Variants in STXBP4 observed in about 807,000 individuals in gnomAD.
The protein encoded by STXBP4 is syntaxin binding protein 4, also known as syntaxin-binding protein 4.
Under a neutral mutation model 76.1 loss-of-function variants are expected in STXBP4, and 55 were observed. The observed-to-expected ratio is 0.72, with a 90% CI of 0.58 to 0.91. The LOEUF is 0.91. Ranked by LOEUF, STXBP4 falls within the 40% of genes least tolerant of loss-of-function variation. The pLI, the probability that STXBP4 is intolerant of heterozygous loss-of-function variation, is 0.00. For synonymous variants in STXBP4, 201 were observed against 220.2 expected (o/e 0.91, Z 0.77); for missense variants, 618 against 636.9 (o/e 0.97, Z 0.32).
intron 7 of STXBP4, among the ~76,000 whole-genome samples, chr17:55,001,793 C>T (rs181030873): frequency 5.9e-5 from 9 of 152,118 alleles, no homozygotes; most frequent in Admixed American, 1.3e-4. Flanking sequence ...CCACCATGCC[C>T]GGCTAATTTT....
intron 12 of STXBP4, among the ~76,000 whole-genome samples, chr17:55,065,045 TATC>T (rs1303461629): frequency 6.6e-6 from 1 of 152,208 alleles, no homozygotes; most frequent in African/African-American, 2.4e-5. Context: ...TTATCATCAT[TATC>T]ATAGATTAAA....
intron 4 of STXBP4, among the ~76,000 whole-genome samples, chr17:54,993,486 A>C (rs1257805188): frequency 1.7e-5 from 1 of 58,222 alleles, no homozygotes; most frequent in Non-Finnish European, 2.9e-5. Flanking sequence ...AAAATAAAAA[A>C]ATTTATAGAA....
chr17:55,147,845 A>G (rs927516387), intron 17 of STXBP4, among the ~76,000 whole-genome samples: 2 of 152,192 alleles, frequency 1.3e-5, no homozygotes, highest in Admixed American at 6.5e-5. Flanking sequence ...GACATATTCA[A>G]CTTCACTGAT....
intron 16 of STXBP4, among the ~76,000 whole-genome samples, chr17:55,110,508 A>G (rs567646454): frequency 1.3e-5 from 2 of 152,334 alleles, no homozygotes; most frequent in South Asian, 4.1e-4. Context: ...TGGAAGGGAT[A>G]ATGTAAATGA....
intron 12 of STXBP4, among the ~76,000 whole-genome samples, chr17:55,068,961 T>C (rs1461883978): frequency 1.3e-5 from 2 of 152,080 alleles, no homozygotes; most frequent in Non-Finnish European, 2.9e-5. Context: ...GTCCTGTGTG[T>C]GAGCTGTTAC....
At chr17:55,001,004 C>A in intron 7 of STXBP4, 121 bp downstream of exon 7, 1 of 627,606 alleles carries the variant, frequency 1.6e-6, no homozygotes, top group Non-Finnish European at 2.7e-6. Context: ...CTTCAGTGAA[C>A]GAAAAAGTAA....
chr17:55,186,562 T>C, the STXBP4 span, among the ~76,000 whole-genome samples: 1 of 152,212 alleles, frequency 6.6e-6, no homozygotes, highest in South Asian at 2.1e-4. Context: ...GGATGTATGA[T>C]GGTTCAATCA....
intron 8 of STXBP4, among the ~76,000 whole-genome samples, chr17:55,020,301 T>G (rs1567722312): frequency 1.3e-5 from 2 of 152,224 alleles, no homozygotes; most frequent in South Asian, 2.1e-4. Context: ...CACATATTCA[T>G]TGAGTTTCTA....
intron 3 of STXBP4, among the ~76,000 whole-genome samples, chr17:54,990,003 A>G (rs1353071752): frequency 6.6e-6 from 1 of 152,240 alleles, no homozygotes; most frequent in Admixed American, 6.5e-5. Flanking sequence ...GAATTCTTCA[A>G]GTAGTCTAAT....
At chr17:55,066,975 A>G (rs2079059582) in intron 12 of STXBP4, among the ~76,000 whole-genome samples, 2 of 152,362 alleles carry the variant, frequency 1.3e-5, no homozygotes, top group South Asian at 2.1e-4. Context: ...AATAAAATGT[A>G]GTTCTAATAT....
intron 10 of STXBP4, among the ~76,000 whole-genome samples, chr17:55,038,600 A>G (rs1458039931): frequency 6.6e-6 from 1 of 151,840 alleles, no homozygotes; most frequent in East Asian, 1.9e-4. Context: ...GAGTCTAATC[A>G]TCATTGCTAC....
the STXBP4 span, among the ~76,000 whole-genome samples, chr17:55,183,451 G>A: frequency 6.6e-6 from 1 of 151,940 alleles, no homozygotes; most frequent in Non-Finnish European, 1.5e-5. Context: ...AAGAAGACAA[G>A]AAACAAGAAA....
At chr17:55,088,337 T>C (rs2079365189) in intron 16 of STXBP4, among the ~76,000 whole-genome samples, 1 of 152,206 alleles carries the variant, frequency 6.6e-6, no homozygotes, top group African/African-American at 2.4e-5. Flanking sequence ...TCTAGGATGT[T>C]ATACTATGGG....
chr17:55,109,813 A>T (rs958122840), intron 16 of STXBP4, among the ~76,000 whole-genome samples: 2 of 151,830 alleles, frequency 1.3e-5, no homozygotes, highest in African/African-American at 4.8e-5. Flanking sequence ...AATTTTGTGT[A>T]TTTTTAGTAG....
intron 12 of STXBP4, among the ~76,000 whole-genome samples, chr17:55,071,527 C>T (rs77262054): frequency 0.02 from 3,114 of 152,218 alleles, 73 homozygotes; most frequent in African/African-American, 0.056. Context: ...GGTCTCTGGT[C>T]AGTTATCTTT....
chr17:55,021,023 C>T lies in STXBP4; in HGVS notation c.667-10145C>T, dbSNP rs889536993. Among the ~76,000 whole-genome samples the T allele has an allele frequency of 3.3e-5, 5 of 152,036 alleles. 1 individual carries two copies. Among genetic ancestry groups the T allele is most frequent in the Admixed American group, 1.3e-4 (2 of 15,264 alleles). ...TATTGTACTTATCGCTATAGTTATA[C>T]ACTCTGAGGAAAAATATTTTTTCTT... On this transcript the variant is annotated intron_variant, in intron 8 of 17. Transcript: ENST00000376352.
At chr17:55,046,892 A>G (rs2078797036) in intron 11 of STXBP4, among the ~76,000 whole-genome samples, 197 bp from the exon 12 acceptor site, 1 of 151,936 alleles carries the variant, frequency 6.6e-6, no homozygotes, top group Non-Finnish European at 1.5e-5. Flanking sequence ...TAAAAAGTAT[A>G]TTTACATCAC....
chr17:55,098,776 CCT>C (rs1267769495), intron 16 of STXBP4, among the ~76,000 whole-genome samples: 10 of 152,164 alleles, frequency 6.6e-5, no homozygotes, highest in African/African-American at 1.9e-4. Context: ...ATTTCACTCC[CCT>C]GTTTTATTCT....
intron 16 of STXBP4, among the ~76,000 whole-genome samples, chr17:55,130,509 T>C (rs1423655999): frequency 1.3e-5 from 2 of 152,214 alleles, no homozygotes; most frequent in East Asian, 1.9e-4. Context: ...TCACCTCATA[T>C]ACTTATTTCT....
Sources: gnomAD v4.1 joint callset for allele counts (sites outside exome capture counted in the v4.1 genomes callset) on GRCh38, gnomAD v4.1.1 for gene constraint, MANE v1.5 for transcripts, NCBI Gene and HGNC (gene_info 2026-07-23, HGNC 2026-07-21) for gene names.